The following CEP57L1 variants were observed in gnomAD, a reference collection of about 807,000 sequenced individuals.
CEP57L1 encodes centrosomal protein CEP57L1.
A neutral mutation model predicts 61.0 loss-of-function variants in CEP57L1; 37 were observed. That is an observed-to-expected ratio of 0.61 (90% confidence interval 0.47 to 0.80). CEP57L1 has a LOEUF of 0.80. Ranked by LOEUF, CEP57L1 falls within the 30% of genes least tolerant of loss-of-function variation. CEP57L1 has a pLI of 0.00. For missense variants in CEP57L1, 422 were observed against 524.7 expected, an observed-to-expected ratio of 0.80 and a Z score of 1.91; for synonymous variants, 137 against 162.3, an observed-to-expected ratio of 0.84 and a Z score of 1.19.
chr6:109,144,735 A>G (rs1188134978), intron 1 of CEP57L1, among the ~76,000 whole-genome samples: 1 of 152,138 alleles, frequency 6.6e-6, no homozygotes, highest in Non-Finnish European at 1.5e-5. Flanking sequence ...GATATTTCAT[A>G]TATCCAAAAT....
chr6:109,103,353 GT>G lies in CEP57L1; in HGVS notation c.-4+7779del, dbSNP rs150777028. Among the ~76,000 whole-genome samples the G allele has an allele frequency of 8.3e-3, 1,258 of 152,204 alleles. 23 individuals are homozygous for G. The highest frequency in any genetic ancestry group is 0.029 in the African/African-American group (1,211 of 41,548). ...GTACTTTTATGTGTGGGGTATATGTGTATTGCCCAAATGAATCATAAAGGCT... is the reference window on the plus strand; with the variant it reads ...GTACTTTTATGTGTGGGGTATATGTGATTGCCCAAATGAATCATAAAGGCT... On this transcript the variant is annotated intron_variant, in intron 1 of 10. Coordinates refer to ENST00000517392, the MANE Select transcript of CEP57L1 (RefSeq NM_001271852.3).
chr6:109,155,181 AT>A, intron 5 of CEP57L1, 48 bp from the exon 6 acceptor site: 1 of 1,160,350 alleles, frequency 8.6e-7, no homozygotes, highest in South Asian at 1.5e-5. Flanking sequence ...AACAAATGAT[AT>A]TTGGCTCTAG....
At chr6:109,128,667 G>A (rs1773842896) in intron 1 of CEP57L1, among the ~76,000 whole-genome samples, 2 of 152,034 alleles carry the variant, frequency 1.3e-5, no homozygotes, top group African/African-American at 4.8e-5. Context: ...TTGTGGCATG[G>A]CCCTTATGCA....
intron 1 of CEP57L1, among the ~76,000 whole-genome samples, chr6:109,118,956 A>G (rs1308875094): frequency 6.6e-6 from 1 of 152,178 alleles, no homozygotes; most frequent in Non-Finnish European, 1.5e-5. Context: ...TGAACAGATT[A>G]TTATTTCAAT....
chr6:109,147,123 A>G (rs933379547), intron 3 of CEP57L1, among the ~76,000 whole-genome samples, 186 bp downstream of exon 3: 1 of 152,142 alleles, frequency 6.6e-6, no homozygotes, highest in Non-Finnish European at 1.5e-5. Flanking sequence ...TACCTCTATC[A>G]TATCTTACTT....
intron 1 of CEP57L1, among the ~76,000 whole-genome samples, chr6:109,134,774 C>G (rs1024533805): frequency 3.3e-5 from 5 of 151,880 alleles, no homozygotes; most frequent in East Asian, 1.9e-4. Flanking sequence ...CAATAACAGA[C>G]AAACAGAGAG....
chr6:109,140,463 G>A (rs1030358574), intron 1 of CEP57L1: 2 of 147,026 alleles, frequency 1.4e-5, no homozygotes, highest in South Asian at 2.2e-4. Context: ...ACAGTGGCAC[G>A]ATCTCGGCTC....
At chr6:109,160,061 A>T (rs1382200197) in intron 9 of CEP57L1, among the ~76,000 whole-genome samples, 2 of 152,216 alleles carry the variant, frequency 1.3e-5, no homozygotes, top group Non-Finnish European at 2.9e-5. Flanking sequence ...TATTGTGCCC[A>T]CCTGCTTAAA....
chr6:109,108,304 G>A (rs918803920), intron 1 of CEP57L1, among the ~76,000 whole-genome samples: 1 of 150,672 alleles, frequency 6.6e-6, no homozygotes, highest in Admixed American at 6.6e-5. Flanking sequence ...GCAGTGGCGC[G>A]ATCTCAGCTC....
At chr6:109,158,996 GT>G (rs1289642211) in intron 7 of CEP57L1, 28 bp from the exon 8 acceptor site, 1 of 1,581,216 alleles carries the variant, frequency 6.3e-7, no homozygotes, top group Admixed American at 1.8e-5. Flanking sequence ...ATAATTTCTT[GT>G]TTACGTTTTT....
At chr6:109,126,374 A>G (rs1196627707) in intron 1 of CEP57L1, among the ~76,000 whole-genome samples, 1 of 152,222 alleles carries the variant, frequency 6.6e-6, no homozygotes, top group African/African-American at 2.4e-5. Flanking sequence ...GTTTCTCATT[A>G]TAAAAGTAAA....
intron 4 of CEP57L1, among the ~76,000 whole-genome samples, chr6:109,153,392 T>C (rs1231014616): frequency 6.6e-6 from 1 of 151,626 alleles, no homozygotes; most frequent in Admixed American, 6.6e-5. Context: ...CAGGTGTGCA[T>C]GCACCACCAT....
chr6:109,126,656 T>C (rs1017498511), intron 1 of CEP57L1, among the ~76,000 whole-genome samples: 3 of 152,238 alleles, frequency 2.0e-5, no homozygotes, highest in Non-Finnish European at 4.4e-5. Context: ...ACATTATATG[T>C]TCTAAACTAA....
intron 10 of CEP57L1, among the ~76,000 whole-genome samples, chr6:109,162,437 A>G (rs942410840): frequency 6.6e-6 from 1 of 151,984 alleles, no homozygotes; most frequent in African/African-American, 2.4e-5. Context: ...GCCTTCTTAC[A>G]TATACACTTT....
chr6:109,123,501 T>G (rs1248246393), intron 1 of CEP57L1, among the ~76,000 whole-genome samples: 1 of 152,206 alleles, frequency 6.6e-6, no homozygotes, highest in Non-Finnish European at 1.5e-5. Context: ...TAAACTTCTT[T>G]GACCAGTGCC....
At chr6:109,136,694 CTTGTAT>C (rs1479415829) in intron 1 of CEP57L1, among the ~76,000 whole-genome samples, 13 of 137,818 alleles carry the variant, frequency 9.4e-5, no homozygotes, top group Admixed American at 2.8e-4. Flanking sequence ...TGCTCTGAAA[CTTGTAT>C]TTTTATTTTA....
At chr6:109,146,003 A>G (rs1353959978) in intron 2 of CEP57L1, among the ~76,000 whole-genome samples, 3 of 151,944 alleles carry the variant, frequency 2.0e-5, no homozygotes, top group East Asian at 1.9e-4. Context: ...GGAATAAACT[A>G]TAAGAAATAA....
At position 109,170,832 on chromosome 6, in the gene CEP57L1, A is replaced by G. The variant is rs1373314366; in HGVS notation, c.*7862A>G. ...GCACTGTTGAAATGCTTGAACACATAAAAAGCATTATTGCCTTCATTTTCC... is the reference window on the plus strand; with the variant it reads ...GCACTGTTGAAATGCTTGAACACATGAAAAGCATTATTGCCTTCATTTTCC... On this transcript the variant is annotated 3_prime_UTR_variant, in exon 11 of 11. Coordinates refer to ENST00000517392, the MANE Select transcript of CEP57L1 (RefSeq NM_001271852.3). 6.6e-6 allele frequency among the ~76,000 whole-genome samples: 1 copy of G among 151,902 alleles called. No homozygotes were observed. The highest frequency in any genetic ancestry group is 1.9e-4 in the East Asian group (1 of 5,188).
At chr6:109,160,849 GC>G in intron 10 of CEP57L1, 133 bp downstream of exon 10, 1 of 768,798 alleles carries the variant, frequency 1.3e-6, no homozygotes, top group Non-Finnish European at 1.9e-6. Context: ...AATCCCTTAG[GC>G]CTATGACAGA....
Sources: allele counts gnomAD v4.1 joint callset (sites outside exome capture counted in the v4.1 genomes callset), GRCh38; gene constraint gnomAD v4.1.1; transcripts MANE v1.5; gene names NCBI Gene and HGNC (gene_info 2026-07-23, HGNC 2026-07-21).